The following DIP2A variants were observed in gnomAD, a reference collection of about 807,000 sequenced individuals.
DIP2A encodes DIP2 acetate--CoA ligase A, also known as disco-interacting protein 2 homolog A.
In DIP2A, 85 loss-of-function variants were observed where a neutral mutation model predicts 177.4. That is an observed-to-expected ratio of 0.48 (90% CI 0.40 to 0.57). DIP2A has a LOEUF of 0.57. Ranked by LOEUF, DIP2A falls within the 20% of genes least tolerant of loss-of-function variation. The probability of loss-of-function intolerance (pLI) is 0.00; values close to 1 mark genes in which losing one functional copy is unlikely to be tolerated. For synonymous variants in DIP2A, 886 were observed against 881.8 expected (o/e 1.00, Z -0.08); for missense variants, 1,791 against 2,100.2 (o/e 0.85, Z 2.88).
Position 46,504,363 on chromosome 21 carries a change from C to T in DIP2A, c.658C>T (p.Leu220=). The stretch of plus-strand genomic sequence containing the variant: ...TTGGGTGTGTTTTTCAAAAGCAGAT[C>T]TGCATTCTGCCCCTCCTGATGTCAC... ...AGLEAHTHID[L]HSAPPDVTTG... The change falls in exon 6 of 38, where the codon CTG becomes TTG. Residue 220 remains leucine (L), a splice_region_variant and synonymous_variant. Coordinates refer to ENST00000417564, the MANE Select transcript of DIP2A (RefSeq NM_015151.4). 6.2e-7 allele frequency: 1 copy of T among 1,613,820 alleles called. No individual in the cohort carries two copies. Among genetic ancestry groups the T allele is most frequent in the Non-Finnish European group, 8.5e-7 (1 of 1,179,794 alleles).
At chr21:46,487,000 C>T (rs575936510) in intron 2 of DIP2A, among the ~76,000 whole-genome samples, 12 of 152,206 alleles carry the variant, frequency 7.9e-5, no homozygotes, top group South Asian at 2.1e-4. Context: ...GACGCCAAAC[C>T]GATCTGTTAA....
chr21:46,468,561 T>A (rs1601336064), intron 1 of DIP2A, among the ~76,000 whole-genome samples: 1 of 152,092 alleles, frequency 6.6e-6, no homozygotes, highest in African/African-American at 2.4e-5. Context: ...ATCTGGAAGG[T>A]GTTGATCAAA....
intron 8 of DIP2A, among the ~76,000 whole-genome samples, chr21:46,528,680 C>G (rs1256646493): frequency 1.3e-5 from 2 of 151,448 alleles, no homozygotes; most frequent in Non-Finnish European, 2.9e-5. Context: ...GCACACACCA[C>G]CACACTGAGC....
intron 2 of DIP2A, among the ~76,000 whole-genome samples, chr21:46,485,720 A>G (rs1601445692): frequency 6.6e-6 from 1 of 152,102 alleles, no homozygotes; most frequent in Non-Finnish European, 1.5e-5. Context: ...ACGTCATCAT[A>G]AAGAGATTGC....
chr21:46,560,843 G>A, intron 33 of DIP2A, 60 bp downstream of exon 33: 1 of 1,558,930 alleles, frequency 6.4e-7, no homozygotes, highest in Non-Finnish European at 8.7e-7. Flanking sequence ...ATGCAAACCA[G>A]GTCTGCACTG....
At position 46,504,294 on chromosome 21, in the gene DIP2A, C is replaced by T. The variant is rs906501031; in HGVS notation, c.656-67C>T. The T allele has an allele frequency of 3.8e-6, 6 of 1,590,314 alleles. No individual in the cohort carries two copies. In the African/African-American group the frequency reaches 8.0e-5, roughly 21 times the overall value. On this transcript the variant is annotated intron_variant, in intron 5 of 37. Coordinates refer to ENST00000417564, the MANE Select transcript of DIP2A (RefSeq NM_015151.4). ...GTGGAGCTTTAGACTAACGGGGTTT[C>T]AAGAGCAGCTTAATACTCATTTGAC... is the stretch of plus-strand genomic sequence containing the variant.
intron 20 of DIP2A, among the ~76,000 whole-genome samples, chr21:46,546,458 G>A (rs1160844635): frequency 1.3e-5 from 2 of 152,146 alleles, no homozygotes; most frequent in Non-Finnish European, 2.9e-5. Context: ...CAGAGATGCT[G>A]CTCAGTGTCC....
chr21:46,465,310 G>A (rs2054713254), intron 1 of DIP2A, among the ~76,000 whole-genome samples: 2 of 152,076 alleles, frequency 1.3e-5, no homozygotes. Flanking sequence ...GCTCACTCCT[G>A]TAATCCCAAC....
At chr21:46,558,590 G>T in intron 32 of DIP2A, 197 bp downstream of exon 32, 1 of 618,968 alleles carries the variant, frequency 1.6e-6, no homozygotes, top group Non-Finnish European at 2.8e-6. Flanking sequence ...TTGGAGAAAG[G>T]CTTATTTGGA....
Position 46,504,505 on chromosome 21 carries a change from T to C in DIP2A, c.784+16T>C, listed in dbSNP as rs2057871165. ...ACAGCAGATGGTGAGCCTGCCTCTC[T>C]TTCTCCTCGTGAAATAGCAGAACAC... On this transcript the variant is annotated intron_variant, in intron 6 of 37. Transcript: ENST00000417564. 11 of 1,591,780 alleles carry C rather than the reference T, an allele frequency of 6.9e-6. No homozygotes were observed. The highest frequency in any genetic ancestry group is 9.4e-6 in the Non-Finnish European group (11 of 1,169,250).
At chr21:46,493,250 G>C (rs1300529946) in intron 3 of DIP2A, among the ~76,000 whole-genome samples, 1 of 152,154 alleles carries the variant, frequency 6.6e-6, no homozygotes, top group Non-Finnish European at 1.5e-5. Context: ...AGTATTTTTG[G>C]ATCTGTTGAT....
chr21:46,564,755 C>G (rs1001706563), intron 35 of DIP2A, among the ~76,000 whole-genome samples: 1 of 152,216 alleles, frequency 6.6e-6, no homozygotes, highest in African/African-American at 2.4e-5. Context: ...CTTCTCCTGA[C>G]TGGGACAAGG....
At chr21:46,466,492 G>A (rs763529091) in intron 1 of DIP2A, among the ~76,000 whole-genome samples, 1 of 151,878 alleles carries the variant, frequency 6.6e-6, no homozygotes, top group Non-Finnish European at 1.5e-5. Flanking sequence ...GGGATTACAG[G>A]TGCCTGCCAC....
chr21:46,546,366 T>C, intron 20 of DIP2A: 1 of 998,446 alleles, frequency 1.0e-6, no homozygotes. Context: ...CCAGGGGACT[T>C]CTGGCAACTT....
At position 46,459,167 on chromosome 21, in the gene DIP2A, G is replaced by T; in HGVS notation, c.36G>T (p.Pro12=). Residue 12 remains proline, a synonymous_variant, in exon 1 of 38, where the codon CCG becomes CCT. Transcript: ENST00000417564. Reference sequence around the variant, plus strand: ...GCGGGTGCCCGCTGGAGGCGGCGCCGCTGCCTGCCGAGGTGCGGGAGAGCC... The same window carrying T: ...GCGGGTGCCCGCTGGAGGCGGCGCCTCTGCCTGCCGAGGTGCGGGAGAGCC... ...ADRGCPLEAA[P]LPAEVRESLA... is the part of the protein sequence containing the mutation. 6.6e-7 allele frequency: 1 copy of T among 1,520,016 alleles called. No homozygotes were observed. The highest frequency in any genetic ancestry group is 8.8e-7 in the Non-Finnish European group (1 of 1,134,690). The allele number at this position is 1,520,016 out of a possible 1,614,324, so 94.2% of individuals were successfully genotyped here.
chr21:46,539,194 T>C (rs1314430758), intron 16 of DIP2A: 1 of 146,966 alleles, frequency 6.8e-6, no homozygotes, highest in African/African-American at 2.6e-5. Flanking sequence ...CCTCAGGTGA[T>C]GCTGGTCACA....
intron 1 of DIP2A, among the ~76,000 whole-genome samples, chr21:46,477,191 G>A (rs2055924498): frequency 6.6e-6 from 1 of 151,952 alleles, no homozygotes; most frequent in Admixed American, 6.6e-5. Context: ...TCCTCCCATG[G>A]TAAGTCAAGG....
At chr21:46,545,773 G>T in intron 19 of DIP2A, 108 bp from the exon 20 acceptor site, 1 of 1,313,032 alleles carries the variant, frequency 7.6e-7, no homozygotes, top group Non-Finnish European at 1.1e-6. Flanking sequence ...TTTTCCCCCT[G>T]GCCAGCAGGC....
intron 8 of DIP2A, among the ~76,000 whole-genome samples, chr21:46,528,580 T>G (rs373680480): frequency 7.3e-6 from 1 of 137,562 alleles, no homozygotes; most frequent in African/African-American, 2.7e-5. Flanking sequence ...GATAATGTCT[T>G]TATTGCCCAG....
Sources: gnomAD v4.1 joint callset for allele counts (sites outside exome capture counted in the v4.1 genomes callset) on GRCh38, gnomAD v4.1.1 for gene constraint, MANE v1.5 for transcripts, NCBI Gene and HGNC (gene_info 2026-07-23, HGNC 2026-07-21) for gene names.